CTTNBP2: variants seen among roughly 807,000 people sequenced by gnomAD.
CTTNBP2 encodes cortactin-binding protein 2.
Under a neutral mutation model 156.9 loss-of-function variants are expected in CTTNBP2, and 108 were observed. That is an observed-to-expected ratio of 0.69 (90% CI 0.59 to 0.81). The LOEUF (loss-of-function observed/expected upper bound fraction) is 0.81. Among genes scored for constraint, CTTNBP2 ranks in the 30% least tolerant of loss-of-function variants. CTTNBP2 has a pLI of 0.00. For synonymous variants in CTTNBP2, 767 were observed against 751.8 expected (o/e 1.02, Z -0.33); for missense variants, 1,924 against 2,035.4 (o/e 0.95, Z 1.05).
chr7:117,787,708 T>A (rs923478841), intron 4 of CTTNBP2, among the ~76,000 whole-genome samples: 4 of 152,210 alleles, frequency 2.6e-5, no homozygotes, highest in Non-Finnish European at 5.9e-5. Flanking sequence ...AGAATGTTAT[T>A]AAAAAATTTA....
At chr7:117,867,350 CTCT>C (rs1398078956) in intron 1 of CTTNBP2, among the ~76,000 whole-genome samples, 3 of 152,130 alleles carry the variant, frequency 2.0e-5, no homozygotes, top group African/African-American at 7.2e-5. Context: ...CTCCAGAAAT[CTCT>C]TGTTCTCGCC....
chr7:117,842,861 T>C (rs1319472617), intron 2 of CTTNBP2, among the ~76,000 whole-genome samples: 2 of 152,214 alleles, frequency 1.3e-5, no homozygotes, highest in African/African-American at 4.8e-5. Flanking sequence ...AGCAAATACT[T>C]ATTGAGCCAG....
At position 117,791,608 on chromosome 7, in the gene CTTNBP2, T is replaced by C. The variant is rs1799017116; in HGVS notation, c.1588A>G (p.Lys530Glu). The C allele has an allele frequency of 6.2e-7, 1 of 1,614,106 alleles. No individual in the cohort carries two copies. The highest frequency in any genetic ancestry group is 8.5e-7 in the Non-Finnish European group (1 of 1,180,024). Reference protein sequence around the residue: ...THPPVGRTSLKTHGVARVDRG... With the variant: ...THPPVGRTSLETHGVARVDRG... ...TCAACTCGTGCTACACCATGAGTCT[T>C]TAAACTGGTCCGACCAACTGGAGGG... is the stretch of plus-strand genomic sequence containing the variant. The change falls in exon 4 of 23, where the codon AAG becomes GAG. Residue 530 changes from lysine to glutamate, a missense_variant. Transcript: ENST00000160373.
At chr7:117,816,611 CAT>C (rs1436787713) in intron 2 of CTTNBP2, among the ~76,000 whole-genome samples, 5 of 152,180 alleles carry the variant, frequency 3.3e-5, no homozygotes, top group Non-Finnish European at 5.9e-5. Context: ...TGTAATGAAA[CAT>C]ATGTCCAAGC....
chr7:117,785,444 G>A (rs372531592), intron 4 of CTTNBP2, among the ~76,000 whole-genome samples: 23 of 152,184 alleles, frequency 1.5e-4, no homozygotes, highest in Non-Finnish European at 3.1e-4. Context: ...GACATTTTCC[G>A]CTTTTTCCTT....
intron 8 of CTTNBP2, among the ~76,000 whole-genome samples, chr7:117,775,548 ACATCCT>A (rs1200109302): frequency 6.7e-6 from 1 of 150,254 alleles, no homozygotes; most frequent in Non-Finnish European, 1.5e-5. Flanking sequence ...CAGTAGCCGA[ACATCCT>A]AGATCAAGGG....
intron 8 of CTTNBP2, among the ~76,000 whole-genome samples, chr7:117,775,917 C>T (rs1459702219): frequency 1.3e-5 from 2 of 152,158 alleles, no homozygotes; most frequent in African/African-American, 4.8e-5. Context: ...AACAAAACTA[C>T]TGCTAACAAA....
intron 2 of CTTNBP2, among the ~76,000 whole-genome samples, chr7:117,855,460 T>C (rs1368883375): frequency 1.3e-5 from 2 of 152,158 alleles, no homozygotes; most frequent in African/African-American, 2.4e-5. Flanking sequence ...TGACTAGTAT[T>C]ACCTCCTTAA....
intron 2 of CTTNBP2, among the ~76,000 whole-genome samples, chr7:117,856,003 A>G (rs188011684): frequency 1.3e-5 from 2 of 152,320 alleles, no homozygotes; most frequent in East Asian, 3.9e-4. Flanking sequence ...CTATCTTCCT[A>G]TATCTTAGCC....
intron 22 of CTTNBP2, among the ~76,000 whole-genome samples, chr7:117,716,156 G>A (rs113900653): frequency 2.2e-3 from 265 of 119,120 alleles, no homozygotes; most frequent in African/African-American, 7.5e-3. Flanking sequence ...CTTTGTATAA[G>A]AGCCCAGATA....
At chr7:117,820,618 G>T (rs951730146) in intron 2 of CTTNBP2, among the ~76,000 whole-genome samples, 2 of 152,120 alleles carry the variant, frequency 1.3e-5, no homozygotes, top group African/African-American at 4.8e-5. Context: ...TCAATCATCT[G>T]CTGAAAAGAC....
At chr7:117,860,792 A>C (rs1295588313) in intron 2 of CTTNBP2, among the ~76,000 whole-genome samples, 6 of 152,208 alleles carry the variant, frequency 3.9e-5, no homozygotes, top group Non-Finnish European at 8.8e-5. Flanking sequence ...AAAAATAACA[A>C]TTTTTATAGG....
intron 1 of CTTNBP2, among the ~76,000 whole-genome samples, chr7:117,861,719 G>C (rs965389535): frequency 6.6e-6 from 1 of 152,078 alleles, no homozygotes; most frequent in African/African-American, 2.4e-5. Flanking sequence ...GTTCCTGGGA[G>C]GTTATTATAA....
intron 2 of CTTNBP2, among the ~76,000 whole-genome samples, chr7:117,851,923 T>C (rs1386595728): frequency 1.3e-5 from 2 of 152,178 alleles, no homozygotes; most frequent in East Asian, 3.8e-4. Context: ...GACTCATCAA[T>C]AGAAAATCAT....
At position 117,780,396 on chromosome 7, in the gene CTTNBP2, T is replaced by C. The variant is rs77345073; in HGVS notation, c.2523+45A>G. 673 of 1,316,960 alleles carry C rather than the reference T, an allele frequency of 5.1e-4. 5 individuals carry two copies. The East Asian group carries it at 0.014, about 27-fold the overall frequency. The allele number at this position is 1,316,960 out of a possible 1,614,324, so 81.6% of individuals were successfully genotyped here. On this transcript the variant is annotated intron_variant, in intron 7 of 22. Transcript: ENST00000160373. ...TCTAGTTATAGAGTTTACAAATATA[T>C]TGCAAATTATATATACAGGGGGAAA...
chr7:117,717,167 AT>A (rs1794446506), intron 22 of CTTNBP2, among the ~76,000 whole-genome samples: 1 of 152,180 alleles, frequency 6.6e-6, no homozygotes, highest in African/African-American at 2.4e-5. Flanking sequence ...TAACCAACTG[AT>A]AATGGTGCAG....
intron 11 of CTTNBP2, 42 bp downstream of exon 11, chr7:117,757,830 AAGC>A (rs1398842799): frequency 7.5e-7 from 1 of 1,333,748 alleles, no homozygotes; most frequent in African/African-American, 1.5e-5. Flanking sequence ...GGCAGCCATG[AAGC>A]AAACACTCTT....
chr7:117,865,240 G>A (rs574631904), intron 1 of CTTNBP2, among the ~76,000 whole-genome samples: 93 of 150,010 alleles, frequency 6.2e-4, no homozygotes, highest in Middle Eastern at 3.4e-3. Context: ...AATCCCCAAC[G>A]CCCCCCAGAA....
At chr7:117,715,209 C>T (rs186370054) in intron 22 of CTTNBP2, among the ~76,000 whole-genome samples, 22 of 151,548 alleles carry the variant, frequency 1.5e-4, no homozygotes, top group Admixed American at 3.9e-4. Flanking sequence ...AGGACTGTGA[C>T]GAGAGAAGGT....
Sources: gnomAD v4.1 joint callset for allele counts (sites outside exome capture counted in the v4.1 genomes callset) on GRCh38, gnomAD v4.1.1 for gene constraint, MANE v1.5 for transcripts, NCBI Gene and HGNC (gene_info 2026-07-23, HGNC 2026-07-21) for gene names.